METTL25: variants seen among roughly 807,000 people sequenced by gnomAD.
METTL25 encodes the protein methyltransferase like 25.
A neutral mutation model predicts 71.6 loss-of-function variants in METTL25; 64 were observed. The ratio of observed to expected loss-of-function variants is 0.89; its 90% confidence interval spans 0.73 to 1.10. The LOEUF is 1.10. Among genes scored for constraint, METTL25 ranks in the 50% least tolerant of loss-of-function variants. METTL25 has a pLI of 0.00. For synonymous variants in METTL25, 287 were observed against 250.3 expected, an observed-to-expected ratio of 1.15 and a Z score of -1.38; for missense variants, 807 against 707.0, an observed-to-expected ratio of 1.14 and a Z score of -1.60.
At chr12:82,441,067 C>A (rs1335086074) in intron 8 of METTL25, among the ~76,000 whole-genome samples, 2 of 151,956 alleles carry the variant, frequency 1.3e-5, no homozygotes, top group Non-Finnish European at 2.9e-5. Context: ...GACTTGGGAG[C>A]AAGCCAAGTA....
At chr12:82,359,340 C>T (rs564364573) in intron 1 of METTL25, among the ~76,000 whole-genome samples, 1 of 152,184 alleles carries the variant, frequency 6.6e-6, no homozygotes, top group East Asian at 1.9e-4. Context: ...GCGGTGGGAA[C>T]CGCAGGCTAG....
intron 1 of METTL25, among the ~76,000 whole-genome samples, chr12:82,378,367 T>G (rs2136902514): frequency 6.6e-6 from 1 of 152,132 alleles, no homozygotes; most frequent in East Asian, 1.9e-4. Context: ...TTACAAAAAC[T>G]AAGGAAGTAG....
chr12:82,404,584 T>G (rs978710368), intron 5 of METTL25, among the ~76,000 whole-genome samples: 2 of 152,128 alleles, frequency 1.3e-5, no homozygotes, highest in African/African-American at 4.8e-5. Flanking sequence ...GGTTGTTAGT[T>G]CAAGAGTTTC....
intron 8 of METTL25, chr12:82,439,900 T>C: frequency 1.3e-6 from 1 of 795,776 alleles, no homozygotes; most frequent in Non-Finnish European, 1.5e-6. Flanking sequence ...AATTTGTTTC[T>C]GTTCTTTTCT....
intron 9 of METTL25, among the ~76,000 whole-genome samples, chr12:82,472,185 T>C (rs1565890128): frequency 6.6e-6 from 1 of 152,340 alleles, no homozygotes; most frequent in Admixed American, 6.5e-5. Flanking sequence ...TGTTCACTTA[T>C]GTCTATAAAG....
chr12:82,477,898 G>A lies in METTL25; in HGVS notation c.1719+546G>A, dbSNP rs1237382711. Among the ~76,000 whole-genome samples the A allele has an allele frequency of 5.3e-5, 8 of 151,834 alleles. No homozygotes were observed. The East Asian group carries it at 1.2e-3, about 22-fold the overall frequency. On this transcript the variant is annotated intron_variant, in intron 11 of 11. Coordinates refer to ENST00000248306, the MANE Select transcript of METTL25 (RefSeq NM_032230.3). ...TATTATGAGCTATGCTCAAAATAAAGTTTGGTGAACTGTTTAAATTAAACC... is the reference window on the plus strand; with the variant it reads ...TATTATGAGCTATGCTCAAAATAAAATTTGGTGAACTGTTTAAATTAAACC...
intron 1 of METTL25, among the ~76,000 whole-genome samples, chr12:82,376,316 T>C (rs1883849536): frequency 6.6e-6 from 1 of 152,214 alleles, no homozygotes; most frequent in South Asian, 2.1e-4. Flanking sequence ...AACATGTACA[T>C]CTCTCAATCA....
At chr12:82,451,138 T>C (rs1342833860) in intron 8 of METTL25, among the ~76,000 whole-genome samples, 1 of 152,204 alleles carries the variant, frequency 6.6e-6, no homozygotes, top group African/African-American at 2.4e-5. Flanking sequence ...TTGATTATTC[T>C]GTAACTGTTC....
chr12:82,416,406 GT>G (rs1457431168), intron 5 of METTL25, among the ~76,000 whole-genome samples: 1 of 148,886 alleles, frequency 6.7e-6, no homozygotes, highest in Admixed American at 6.7e-5. Context: ...TGAAGAGTAG[GT>G]CTGATTTACC....
At chr12:82,469,655 T>C (rs1219273696) in intron 9 of METTL25, among the ~76,000 whole-genome samples, 2 of 151,762 alleles carry the variant, frequency 1.3e-5, no homozygotes, top group South Asian at 4.2e-4. Context: ...ACCTTCTAAT[T>C]GGAGCTTTGC....
intron 2 of METTL25, 137 bp from the exon 3 acceptor site, chr12:82,389,679 G>A (rs182866623): frequency 1.7e-5 from 9 of 525,348 alleles, no homozygotes; most frequent in Admixed American, 1.0e-4. Context: ...GGCTAAGCTA[G>A]TAGAGATCTA....
chr12:82,447,472 T>C (rs1890838125), intron 8 of METTL25, among the ~76,000 whole-genome samples: 1 of 152,194 alleles, frequency 6.6e-6, no homozygotes, highest in Non-Finnish European at 1.5e-5. Context: ...AATATAATTT[T>C]AACTGAAATC....
intron 9 of METTL25, among the ~76,000 whole-genome samples, chr12:82,466,662 T>G (rs907656106): frequency 2.6e-5 from 4 of 152,106 alleles, no homozygotes; most frequent in African/African-American, 9.6e-5. Context: ...ATTATCTGTC[T>G]AGATGATCTG....
rs529640086 is a variant in METTL25, at chr12:82,460,866, G to A, written c.1572+4046G>A. The stretch of plus-strand genomic sequence containing the variant: ...TAACAAATATACCATATTGTAGGCC[G>A]GGCGCGGTAGCTCACGCCTGTAATC... On this transcript the variant is annotated intron_variant, in intron 9 of 11. Transcript: ENST00000248306. Among the ~76,000 whole-genome samples, 25 of 152,274 alleles carry A rather than the reference G, an allele frequency of 1.6e-4. No individual in the cohort carries two copies. In the South Asian group the frequency reaches 1.9e-3, roughly 11 times the overall value.
intron 5 of METTL25, among the ~76,000 whole-genome samples, chr12:82,422,230 A>G (rs1221775422): frequency 1.3e-5 from 2 of 152,172 alleles, no homozygotes; most frequent in Non-Finnish European, 2.9e-5. Flanking sequence ...CTGGGATGCA[A>G]GGCTGGTTCA....
At chr12:82,364,174 T>C (rs1882288748) in intron 1 of METTL25, among the ~76,000 whole-genome samples, 1 of 152,314 alleles carries the variant, frequency 6.6e-6, no homozygotes, top group Middle Eastern at 3.4e-3. Context: ...TTTGGGATCT[T>C]AAGAGGTCAC....
At chr12:82,367,811 T>A (rs1048091007) in intron 1 of METTL25, among the ~76,000 whole-genome samples, 3 of 152,170 alleles carry the variant, frequency 2.0e-5, no homozygotes, top group African/African-American at 7.2e-5. Flanking sequence ...CAGCTGGAAC[T>A]TGGCTACTAA....
At position 82,434,676 on chromosome 12, in the gene METTL25, T is replaced by C; in HGVS notation, c.1375-19T>C. 6.2e-7 allele frequency: 1 copy of C among 1,607,534 alleles called. No homozygotes were observed. Among genetic ancestry groups the C allele is most frequent in the Non-Finnish European group, 8.5e-7 (1 of 1,175,236 alleles). ...AGACTCAATATATCAACAATCTGTCTTGTTTTTTTCCCTTTAAGGCATTGG... is the reference window on the plus strand; with the variant it reads ...AGACTCAATATATCAACAATCTGTCCTGTTTTTTTCCCTTTAAGGCATTGG... On this transcript the variant is annotated intron_variant, in intron 6 of 11. Coordinates refer to ENST00000248306, the MANE Select transcript of METTL25 (RefSeq NM_032230.3).
chr12:82,410,369 G>A (rs1943953019), intron 5 of METTL25, among the ~76,000 whole-genome samples: 1 of 152,088 alleles, frequency 6.6e-6, no homozygotes, highest in Admixed American at 6.6e-5. Context: ...GTAAAGATCT[G>A]ACAATATTTT....
Sources: gnomAD v4.1 joint callset for allele counts (sites outside exome capture counted in the v4.1 genomes callset) on GRCh38, gnomAD v4.1.1 for gene constraint, MANE v1.5 for transcripts, NCBI Gene and HGNC (gene_info 2026-07-23, HGNC 2026-07-21) for gene names.